The following ARHGAP18 variants were observed in gnomAD, a reference collection of about 807,000 sequenced individuals.
ARHGAP18 encodes the protein rho GTPase-activating protein 18.
A neutral mutation model predicts 86.2 loss-of-function variants in ARHGAP18; 67 were observed. That is an observed-to-expected ratio of 0.78 (90% CI 0.64 to 0.95). The LOEUF is 0.95. Among genes scored for constraint, ARHGAP18 ranks in the 40% least tolerant of loss-of-function variants. The probability of loss-of-function intolerance (pLI) is 0.00; values close to 1 mark genes in which losing one functional copy is unlikely to be tolerated. For synonymous variants in ARHGAP18, 283 were observed against 280.4 expected (o/e 1.01, Z -0.09); for missense variants, 691 against 780.4 (o/e 0.89, Z 1.37).
intron 4 of ARHGAP18, 118 bp from the exon 5 acceptor site, chr6:129,629,640 CT>C: frequency 9.6e-7 from 1 of 1,046,532 alleles, no homozygotes; most frequent in Non-Finnish European, 1.4e-6. Context: ...CTAGGCAATA[CT>C]TAGCCGTTAT....
intron 6 of ARHGAP18, among the ~76,000 whole-genome samples, chr6:129,617,099 AAT>A: frequency 6.6e-6 from 1 of 152,360 alleles, no homozygotes; most frequent in African/African-American, 2.4e-5. Context: ...CTCTTTAGAA[AAT>A]AGATACTTGC....
intron 5 of ARHGAP18, among the ~76,000 whole-genome samples, chr6:129,625,165 T>TATATATG (rs1273740285): frequency 1.9e-5 from 1 of 51,470 alleles, no homozygotes; most frequent in African/African-American, 9.4e-5. Context: ...AGATATATAT[T>TATATATG]ATATATGATA....
chr6:129,651,976 G>A lies in ARHGAP18; in HGVS notation c.114-9958C>T, dbSNP rs75476181. Among the ~76,000 whole-genome samples, 171 of 152,342 alleles carry A rather than the reference G, an allele frequency of 1.1e-3. 2 individuals are homozygous for A. The highest frequency in any genetic ancestry group is 3.9e-3 in the African/African-American group (162 of 41,568). On this transcript the variant is annotated intron_variant, in intron 1 of 14. Transcript: ENST00000368149. ...TCTTCCACAATGTGAAGGACATGGT[G>A]AGAAGGTGCCATCCGTGAGAAAGCC...
chr6:129,682,371 T>C (rs1212876480), intron 1 of ARHGAP18, among the ~76,000 whole-genome samples: 2 of 152,216 alleles, frequency 1.3e-5, no homozygotes, highest in Non-Finnish European at 2.9e-5. Flanking sequence ...CATTTCCCCG[T>C]GTTCTGAGGC....
chr6:129,596,372 A>C (rs922108752), intron 12 of ARHGAP18, among the ~76,000 whole-genome samples: 2 of 152,012 alleles, frequency 1.3e-5, no homozygotes, highest in East Asian at 3.9e-4. Flanking sequence ...ACACAACTCA[A>C]CTCCCTGCCC....
In ARHGAP18 at chr6:129,618,789, T is replaced by C. The variant is rs1437784797; in HGVS notation, c.850A>G (p.Met284Val). Residue 284 changes from methionine to valine, a missense_variant, in exon 6 of 15, where the codon ATG (methionine) becomes GTG (valine). Coordinates refer to ENST00000368149, the MANE Select transcript of ARHGAP18 (RefSeq NM_033515.3). Reference sequence around the variant, plus strand: ...AGGGCTAAATGGCAAACTTTCTTCATGTCCTGGGGTGCGAGGTCACCAATC... The same window carrying C: ...AGGGCTAAATGGCAAACTTTCTTCACGTCCTGGGGTGCGAGGTCACCAATC... ...TRIGDLAPQD[M>V]KKVCHLALIE... 6.2e-7 allele frequency: 1 copy of C among 1,613,718 alleles called. No homozygotes were observed. The highest frequency in any genetic ancestry group is 8.5e-7 in the Non-Finnish European group (1 of 1,179,930).
rs554208270 is a variant in ARHGAP18, at chr6:129,584,624, T to C, written c.1714-512A>G. ...TTAATGAGCTCATGCTTTTTGGCTA[T>C]ACACTTTGAACTTACGATGACCCCT... is the stretch of plus-strand genomic sequence containing the variant. On this transcript the variant is annotated intron_variant, in intron 12 of 14. Transcript: ENST00000368149. Among the ~76,000 whole-genome samples the C allele has an allele frequency of 9.8e-5, 15 of 152,372 alleles. No individual in the cohort carries two copies. The South Asian group carries it at 2.9e-3, about 29-fold the overall frequency.
chr6:129,594,462 CTCTT>C (rs765989992), intron 12 of ARHGAP18, among the ~76,000 whole-genome samples: 7 of 152,144 alleles, frequency 4.6e-5, no homozygotes, highest in Admixed American at 6.5e-5. Flanking sequence ...CTAGAGATCT[CTCTT>C]TGTCTCTTTA....
At chr6:129,689,326 C>G (rs1774485892) in intron 1 of ARHGAP18, among the ~76,000 whole-genome samples, 1 of 152,146 alleles carries the variant, frequency 6.6e-6, no homozygotes, top group Admixed American at 6.6e-5. Context: ...CTAAGTCTCA[C>G]TCTGTCACCC....
At chr6:129,700,688 A>G (rs1316707897) in intron 1 of ARHGAP18, among the ~76,000 whole-genome samples, 1 of 152,192 alleles carries the variant, frequency 6.6e-6, no homozygotes, top group Non-Finnish European at 1.5e-5. Flanking sequence ...TATGTCAAGC[A>G]CTCATGTAAG....
intron 1 of ARHGAP18, among the ~76,000 whole-genome samples, chr6:129,700,172 C>T (rs968726171): frequency 2.0e-5 from 3 of 152,192 alleles, no homozygotes; most frequent in African/African-American, 4.8e-5. Flanking sequence ...TTTAAGGGCA[C>T]AAATGTATAA....
At chr6:129,642,102 G>A in intron 1 of ARHGAP18, 84 bp from the exon 2 acceptor site, 1 of 1,229,578 alleles carries the variant, frequency 8.1e-7, no homozygotes, top group South Asian at 1.3e-5. Flanking sequence ...ACAAGCTGGA[G>A]AATTTATTAA....
intron 13 of ARHGAP18, among the ~76,000 whole-genome samples, chr6:129,581,063 G>T (rs1419129605): frequency 6.6e-6 from 1 of 152,188 alleles, no homozygotes; most frequent in Non-Finnish European, 1.5e-5. Context: ...TAAAGCCCAA[G>T]AAACTGCTTT....
At chr6:129,641,777 A>G (rs1274341199) in intron 2 of ARHGAP18, 39 bp downstream of exon 2, 2 of 1,558,592 alleles carry the variant, frequency 1.3e-6, no homozygotes, top group South Asian at 2.3e-5. Flanking sequence ...CTATAAATAC[A>G]TATACAAACA....
intron 5 of ARHGAP18, among the ~76,000 whole-genome samples, chr6:129,623,246 AG>A (rs1789270170): frequency 6.6e-6 from 1 of 152,122 alleles, no homozygotes; most frequent in South Asian, 2.1e-4. Context: ...AGGATTCAAA[AG>A]CTTAGTCATT....
chr6:129,642,812 T>TG (rs1167088560), intron 1 of ARHGAP18, among the ~76,000 whole-genome samples: 5 of 152,158 alleles, frequency 3.3e-5, no homozygotes, highest in African/African-American at 1.2e-4. Flanking sequence ...ATAAATAGGA[T>TG]GATTTAAGTT....
intron 5 of ARHGAP18, among the ~76,000 whole-genome samples, chr6:129,622,237 T>C (rs1183678558): frequency 6.6e-6 from 1 of 152,192 alleles, no homozygotes; most frequent in Non-Finnish European, 1.5e-5. Flanking sequence ...GAGTTTTCCT[T>C]TTTAAAAATC....
At chr6:129,611,148 C>G (rs566740431) in intron 8 of ARHGAP18, among the ~76,000 whole-genome samples, 1 of 152,156 alleles carries the variant, frequency 6.6e-6, no homozygotes, top group East Asian at 1.9e-4. Context: ...GCAATCCTCC[C>G]GCCTTGGCCT....
intron 1 of ARHGAP18, among the ~76,000 whole-genome samples, chr6:129,653,032 A>G (rs959052333): frequency 6.6e-6 from 1 of 152,190 alleles, no homozygotes; most frequent in African/African-American, 2.4e-5. Context: ...ATAATAACGA[A>G]AGCTACATAC....
Sources: gnomAD v4.1 joint callset for allele counts (sites outside exome capture counted in the v4.1 genomes callset) on GRCh38, gnomAD v4.1.1 for gene constraint, MANE v1.5 for transcripts, NCBI Gene and HGNC (gene_info 2026-07-23, HGNC 2026-07-21) for gene names.